C8orf34: variants seen among roughly 807,000 people sequenced by gnomAD.
The protein encoded by C8orf34 is uncharacterized protein C8orf34.
C8orf34 carries 65 observed loss-of-function variants against 68.3 expected under a neutral mutation model. That is an observed-to-expected ratio of 0.95 (90% CI 0.78 to 1.17). The LOEUF is 1.17. C8orf34 is among the 50% of genes most tolerant of loss of function. The pLI, the probability that C8orf34 is intolerant of heterozygous loss-of-function variation, is 0.00. For synonymous variants in C8orf34, 244 were observed against 241.2 expected (o/e 1.01, Z -0.11); for missense variants, 664 against 655.4 (o/e 1.01, Z -0.14).
chr8:68,691,442 T>C (rs1279781532), intron 8 of C8orf34, among the ~76,000 whole-genome samples: 5 of 152,120 alleles, frequency 3.3e-5, no homozygotes, highest in Non-Finnish European at 7.4e-5. Context: ...TTTATTGTGA[T>C]TTTCGTTTTG....
At chr8:68,527,460 T>TG (rs1815054639) in intron 6 of C8orf34, among the ~76,000 whole-genome samples, 1 of 151,994 alleles carries the variant, frequency 6.6e-6, no homozygotes, top group Non-Finnish European at 1.5e-5. Context: ...TAGTCCCAGC[T>TG]ACTCGGGAGG....
intron 1 of C8orf34, among the ~76,000 whole-genome samples, chr8:68,408,678 A>G (rs1809309698): frequency 6.6e-6 from 1 of 152,258 alleles, no homozygotes; most frequent in African/African-American, 2.4e-5. Context: ...CGTAGAGCTC[A>G]GAAATTCCTG....
chr8:68,536,037 A>G (rs568836111), intron 7 of C8orf34, among the ~76,000 whole-genome samples: 200 of 152,236 alleles, frequency 1.3e-3, no homozygotes, highest in Non-Finnish European at 2.4e-3. Flanking sequence ...TTTTAAAATT[A>G]ATAAAATAAA....
At chr8:68,507,122 C>T (rs1814058090) in intron 5 of C8orf34, among the ~76,000 whole-genome samples, 1 of 152,112 alleles carries the variant, frequency 6.6e-6, no homozygotes, top group Non-Finnish European at 1.5e-5. Context: ...TTAAATTTTA[C>T]AAGATTTGAC....
intron 12 of C8orf34, among the ~76,000 whole-genome samples, chr8:68,794,323 C>T (rs1280134344): frequency 6.6e-6 from 1 of 150,882 alleles, no homozygotes; most frequent in African/African-American, 2.5e-5. Flanking sequence ...AGATGTGCAC[C>T]ACCACACTTG....
intron 7 of C8orf34, among the ~76,000 whole-genome samples, chr8:68,612,444 C>A (rs1203600414): frequency 6.6e-6 from 1 of 152,162 alleles, no homozygotes; most frequent in African/African-American, 2.4e-5. Context: ...ACCATATCAC[C>A]TTTCCAGTAT....
At chr8:68,791,624 A>G (rs1224930968) in intron 12 of C8orf34, 2 of 152,228 alleles carry the variant, frequency 1.3e-5, no homozygotes, top group Admixed American at 6.5e-5. Flanking sequence ...AAACAACACA[A>G]ATGTCCCAAA....
intron 8 of C8orf34, among the ~76,000 whole-genome samples, chr8:68,694,414 G>C (rs1479745164): frequency 6.6e-6 from 1 of 152,046 alleles, no homozygotes; most frequent in Non-Finnish European, 1.5e-5. Context: ...TGACAGAAAA[G>C]TCTAAGTTCC....
rs143735423 is a variant in C8orf34, at chr8:68,728,444, T to C, written c.1404+7007T>C. On this transcript the variant is annotated intron_variant, in intron 10 of 13. Transcript: ENST00000518698. ...GCCTGCTACCCAGTTCCAAAGTCGC[T>C]TCCATATTTTCAGGTATCTTTTCAG... Among the ~76,000 whole-genome samples, 1,186 of 152,310 alleles carry C rather than the reference T, an allele frequency of 7.8e-3. 9 individuals are homozygous for C. The highest frequency in any genetic ancestry group is 0.017 in the Admixed American group (262 of 15,308).
chr8:68,619,530 T>C (rs528030607), intron 7 of C8orf34, among the ~76,000 whole-genome samples: 1 of 152,202 alleles, frequency 6.6e-6, no homozygotes, highest in Non-Finnish European at 1.5e-5. Context: ...TTTTGAATCA[T>C]GTTTTAATTT....
chr8:68,554,121 C>G (rs1039244656), intron 7 of C8orf34, among the ~76,000 whole-genome samples: 2 of 151,810 alleles, frequency 1.3e-5, no homozygotes, highest in African/African-American at 4.8e-5. Context: ...GAAATTTAAC[C>G]TTTTAAAGGT....
Position 68,426,874 on chromosome 8 carries a change from AAAACCAAACC to A in C8orf34, c.328-12605_328-12596del, listed in dbSNP as rs55834572. On this transcript the variant is annotated intron_variant, in intron 1 of 13. Coordinates refer to ENST00000518698, the MANE Select transcript of C8orf34 (RefSeq NM_052958.4). ...ACAAGAGTGAAACTCCGTCTAAAAA[AAAACCAAACC>A]AAACCAAACCAAACCAAACAAAATC... Among the ~76,000 whole-genome samples, 9 of 150,958 alleles carry A rather than the reference AAAACCAAACC, an allele frequency of 6.0e-5. No individual in the cohort carries two copies. The South Asian group carries it at 1.3e-3, about 21-fold the overall frequency.
At position 68,624,922 on chromosome 8, in the gene C8orf34, T is replaced by TTG. The variant is rs1554587351; in HGVS notation, c.1106-15450_1106-15449dup. Among the ~76,000 whole-genome samples, 336 of 151,620 alleles carry TTG rather than the reference T, an allele frequency of 2.2e-3. 3 individuals are homozygous for TTG. The highest frequency in any genetic ancestry group is 7.8e-3 in the African/African-American group (320 of 41,260). ...AGCTAATTTCTTGCTTTTTTTTTTTTTGTGTAGCTGGTATTTACTACATTG... is the reference window on the plus strand; with the variant it reads ...AGCTAATTTCTTGCTTTTTTTTTTTTTGTGTGTAGCTGGTATTTACTACATTG... On this transcript the variant is annotated intron_variant, in intron 7 of 13. Coordinates refer to ENST00000518698, the MANE Select transcript of C8orf34 (RefSeq NM_052958.4).
At chr8:68,393,896 A>G (rs1289703645) in intron 1 of C8orf34, among the ~76,000 whole-genome samples, 2 of 152,120 alleles carry the variant, frequency 1.3e-5, no homozygotes, top group African/African-American at 4.8e-5. Context: ...AGGGCCTTAC[A>G]GTAATCTAGG....
chr8:68,391,899 C>T (rs1177069253), intron 1 of C8orf34, among the ~76,000 whole-genome samples: 2 of 152,066 alleles, frequency 1.3e-5, no homozygotes, highest in Non-Finnish European at 2.9e-5. Context: ...GTCACTCAGA[C>T]ATTTAAGGAA....
At chr8:68,807,211 A>G (rs919207779) in intron 12 of C8orf34, among the ~76,000 whole-genome samples, 5 of 152,186 alleles carry the variant, frequency 3.3e-5, no homozygotes, top group Admixed American at 6.5e-5. Flanking sequence ...GTTGTAGGTA[A>G]TACAGTCAAG....
intron 8 of C8orf34, among the ~76,000 whole-genome samples, chr8:68,663,514 T>A (rs1356545484): frequency 6.6e-6 from 1 of 152,150 alleles, no homozygotes; most frequent in East Asian, 1.9e-4. Context: ...CCAGTTACAT[T>A]CAATATCATG....
chr8:68,541,549 T>G (rs1455045731), intron 7 of C8orf34, among the ~76,000 whole-genome samples: 1 of 152,186 alleles, frequency 6.6e-6, no homozygotes, highest in Non-Finnish European at 1.5e-5. Flanking sequence ...ACGCCTCTCC[T>G]GTCTTTAGCA....
intron 8 of C8orf34, among the ~76,000 whole-genome samples, chr8:68,697,520 T>A (rs890144605): frequency 2.0e-5 from 3 of 152,126 alleles, no homozygotes; most frequent in Non-Finnish European, 2.9e-5. Context: ...AATGATAGAC[T>A]TAGTCTTATT....
Sources: allele counts gnomAD v4.1 joint callset (sites outside exome capture counted in the v4.1 genomes callset), GRCh38; gene constraint gnomAD v4.1.1; transcripts MANE v1.5; gene names NCBI Gene and HGNC (gene_info 2026-07-23, HGNC 2026-07-21).